The following ATAD3A variants were observed in gnomAD, a reference collection of about 807,000 sequenced individuals.
ATAD3A encodes the protein ATPase family AAA domain containing 3A, also known as ATPase family AAA domain-containing protein 3A.
A neutral mutation model predicts 73.8 loss-of-function variants in ATAD3A; 46 were observed. The ratio of observed to expected loss-of-function variants is 0.62; its 90% CI spans 0.49 to 0.80. ATAD3A has a LOEUF of 0.80. Among genes scored for constraint, ATAD3A ranks in the 30% least tolerant of loss-of-function variants. The pLI, the probability that ATAD3A is intolerant of heterozygous loss-of-function variation, is 0.00. For synonymous variants in ATAD3A, 319 were observed against 350.0 expected, an observed-to-expected ratio of 0.91 and a Z score of 0.99; for missense variants, 705 against 838.0, an observed-to-expected ratio of 0.84 and a Z score of 1.96.
In ATAD3A at chr1:1,526,038, T is replaced by C. The variant is rs546651112; in HGVS notation, c.1267-423T>C. ...TTCTTTTCTTTTTCTTTTTTTTTTT[T>C]TTAAGGCAGAATTTTACTCTGTTGC... On this transcript the variant is annotated intron_variant, in intron 12 of 15. Coordinates refer to ENST00000378756, the MANE Select transcript of ATAD3A (RefSeq NM_001170535.3). Among the ~76,000 whole-genome samples, 10 of 151,866 alleles carry C rather than the reference T, an allele frequency of 6.6e-5. No individual in the cohort carries two copies. In the South Asian group the frequency reaches 2.1e-3, roughly 32 times the overall value.
chr1:1,534,510 A>C lies in ATAD3A; in HGVS notation c.*438A>C. The C allele has an allele frequency of 1.5e-6, 1 of 681,380 alleles. No individual in the cohort carries two copies. Among genetic ancestry groups the C allele is most frequent in the South Asian group, 4.2e-5 (1 of 24,034 alleles). 42.2% of individuals were successfully genotyped at this position (681,380 alleles called of 1,614,324 possible). A position where few individuals can be genotyped will look rare whatever the true frequency, so the allele number is the denominator to read the frequency against. ...GGCCAGACCCAGGTGGGGCAGCCTG[A>C]ACCCTGCTTCCCCCTGTGGCCGGCA... On this transcript the variant is annotated 3_prime_UTR_variant, in exon 16 of 16. Coordinates refer to ENST00000378756, the MANE Select transcript of ATAD3A (RefSeq NM_001170535.3).
At chr1:1,513,830 A>G (rs1329434565) in intron 1 of ATAD3A, among the ~76,000 whole-genome samples, 11 of 151,750 alleles carry the variant, frequency 7.2e-5, no homozygotes, top group Admixed American at 3.9e-4. Context: ...GCCGGAGCCC[A>G]TTGCTTTGTC....
At chr1:1,519,935 G>A (rs547847511) in intron 5 of ATAD3A, among the ~76,000 whole-genome samples, 12 of 152,370 alleles carry the variant, frequency 7.9e-5, no homozygotes, top group Admixed American at 1.3e-4. Flanking sequence ...GCGTGGGCCT[G>A]TCTGTGGCGT....
chr1:1,523,643 G>A lies in ATAD3A; in HGVS notation c.963+76G>A. 3.1e-6 allele frequency: 5 copies of A among 1,605,536 alleles called. No individual in the cohort carries two copies. The highest frequency in any genetic ancestry group is 4.3e-6 in the Non-Finnish European group (5 of 1,176,050). On this transcript the variant is annotated intron_variant, in intron 9 of 15. Coordinates refer to ENST00000378756, the MANE Select transcript of ATAD3A (RefSeq NM_001170535.3). The surrounding 1 kb of genome is among the most constrained non-coding windows in gnomAD (Gnocchi z 5.1). Reference sequence around the variant, plus strand: ...CTGGGCCGGGCTGTGGCCCTTGCTGGCGCTCGTGGTGGCACCCAGGAGCTT... The same window carrying A: ...CTGGGCCGGGCTGTGGCCCTTGCTGACGCTCGTGGTGGCACCCAGGAGCTT...
At chr1:1,515,074 C>T (rs145470957) in intron 1 of ATAD3A, among the ~76,000 whole-genome samples, 145 of 152,206 alleles carry the variant, frequency 9.5e-4, no homozygotes, top group African/African-American at 3.3e-3. Flanking sequence ...AGGGTTTCGC[C>T]ATGTTGGCCC....
chr1:1,522,673 C>G (rs1242395804), intron 7 of ATAD3A, 71 bp from the exon 8 acceptor site: 1 of 1,593,644 alleles, frequency 6.3e-7, no homozygotes, highest in Non-Finnish European at 8.6e-7. Context: ...TGGGGGCAGC[C>G]CCGTGCGTCT....
Position 1,523,359 on chromosome 1 carries a change from C to T in ATAD3A, c.907-152C>T, listed in dbSNP as rs371444238. ...ATCCCAGCAATAGCCGCCTGGTCTC[C>T]GGGCGGGGCAGGGTTCCAGCTCCGG... On this transcript the variant is annotated intron_variant, in intron 8 of 15. Transcript: ENST00000378756. The surrounding 1 kb of genome is among the most constrained non-coding windows in gnomAD (Gnocchi z 5.1). 85 of 1,319,152 alleles carry T rather than the reference C, an allele frequency of 6.4e-5. No homozygotes were observed. Among genetic ancestry groups the T allele is most frequent in the East Asian group, 5.1e-4 (20 of 39,502 alleles). The allele number at this position is 1,319,152 out of a possible 1,614,324, so 81.7% of individuals were successfully genotyped here. A position where few individuals can be genotyped will look rare whatever the true frequency, so the allele number is the denominator to read the frequency against.
intron 4 of ATAD3A, among the ~76,000 whole-genome samples, chr1:1,518,689 A>ACACACACC (rs1553125142): frequency 1.4e-3 from 116 of 85,850 alleles, no homozygotes; most frequent in Middle Eastern, 0.01. Context: ...ACACACACAC[A>ACACACACC]CCCAAACGGG....
intron 15 of ATAD3A, among the ~76,000 whole-genome samples, chr1:1,530,505 C>T (rs1474044769): frequency 1.3e-5 from 2 of 151,854 alleles, no homozygotes; most frequent in East Asian, 1.9e-4. Flanking sequence ...GCACTCCAGC[C>T]TGGATTACAG....
chr1:1,512,224 T>A lies in ATAD3A; in HGVS notation c.-45T>A, dbSNP rs2100637187. 1.6e-6 allele frequency: 2 copies of A among 1,264,624 alleles called. No homozygotes were observed. The highest frequency in any genetic ancestry group is 3.5e-5 in the South Asian group (1 of 28,324). The allele number at this position is 1,264,624 out of a possible 1,614,324, so 78.3% of individuals were successfully genotyped here. ...GCTCCCAGCCGCGCGCGAGTCAGACTCGGGTGGGGGTCCCGGCGGCGGTAG... is the reference window on the plus strand; with the variant it reads ...GCTCCCAGCCGCGCGCGAGTCAGACACGGGTGGGGGTCCCGGCGGCGGTAG... On this transcript the variant is annotated 5_prime_UTR_variant, in exon 1 of 16. Coordinates refer to ENST00000378756, the MANE Select transcript of ATAD3A (RefSeq NM_001170535.3).
At chr1:1,531,765 A>G (rs1311865189) in intron 15 of ATAD3A, among the ~76,000 whole-genome samples, 13 of 151,852 alleles carry the variant, frequency 8.6e-5, no homozygotes, top group Admixed American at 2.6e-4. Flanking sequence ...GCGACAGAGC[A>G]AGACTCTGTC....
rs61189461 is a variant in ATAD3A, at chr1:1,520,031, T to G, written c.515-110T>G. On this transcript the variant is annotated intron_variant, in intron 5 of 15. Transcript: ENST00000378756. This position sits in a 1 kb window ranked among gnomAD's most constrained non-coding sequence, Gnocchi z 4.0. ...CGTGGCATGGGCCTGTCTGTGGCGTTGGTCTGTCCGTGGCGTGGGCCGGTC... is the reference window on the plus strand; with the variant it reads ...CGTGGCATGGGCCTGTCTGTGGCGTGGGTCTGTCCGTGGCGTGGGCCGGTC... 4.4e-3 allele frequency: 6,546 copies of G among 1,484,798 alleles called. 208 individuals are homozygous for G. The African/African-American group carries it at 0.079, about 18-fold the overall frequency. The allele number at this position is 1,484,798 out of a possible 1,614,324, so 92.0% of individuals were successfully genotyped here. A position where few individuals can be genotyped will look rare whatever the true frequency, so the allele number is the denominator to read the frequency against.
At chr1:1,531,669 T>G (rs573771653) in intron 15 of ATAD3A, among the ~76,000 whole-genome samples, 15 of 150,290 alleles carry the variant, frequency 1.0e-4, no homozygotes, top group African/African-American at 3.7e-4. Context: ...TCCCAGCTAC[T>G]TGGGAGGCTG....
At position 1,522,818 on chromosome 1, in the gene ATAD3A, C is replaced by T. The variant is rs749851799; in HGVS notation, c.825C>T (p.Ile275=). The change falls in exon 8 of 16, where the codon ATC becomes ATT. Residue 275 remains isoleucine, a synonymous_variant. Transcript: ENST00000378756. ...CCACGCTTGTCGCCGGCCGCTTCAT[C>T]GAGGCTCGGCTGGGGAAGCCGTCCC... ...KNATLVAGRF[I]EARLGKPSLV... 1.3e-5 allele frequency: 21 copies of T among 1,610,862 alleles called. No individual in the cohort carries two copies. In the East Asian group the frequency reaches 1.6e-4, roughly 12 times the overall value.
intron 12 of ATAD3A, among the ~76,000 whole-genome samples, chr1:1,525,626 G>A (rs949490032): frequency 2.0e-5 from 3 of 152,140 alleles, no homozygotes; most frequent in African/African-American, 7.2e-5. Flanking sequence ...GTGTTAGCCA[G>A]GATGGTCTCG....
intron 2 of ATAD3A, chr1:1,517,094 G>C (rs1166768092): frequency 6.5e-7 from 1 of 1,529,708 alleles, no homozygotes; most frequent in African/African-American, 1.4e-5. Context: ...CTCCCGGGGG[G>C]CCTTCGCGGG....
intron 15 of ATAD3A, among the ~76,000 whole-genome samples, chr1:1,533,265 C>T (rs1642096464): frequency 6.6e-6 from 1 of 152,202 alleles, no homozygotes; most frequent in African/African-American, 2.4e-5. Context: ...CACCCTGACC[C>T]TGACCCTGAC....
At chr1:1,527,670 C>A in intron 13 of ATAD3A, 25 bp from the exon 14 acceptor site, 2 of 1,595,980 alleles carry the variant, frequency 1.3e-6, no homozygotes, top group Non-Finnish European at 1.7e-6. Flanking sequence ...GCCCCAGCAT[C>A]CTCATCCTCA....
intron 11 of ATAD3A, among the ~76,000 whole-genome samples, chr1:1,525,015 C>A (rs1429839727): frequency 1.3e-5 from 2 of 152,186 alleles, no homozygotes; most frequent in Non-Finnish European, 2.9e-5. Flanking sequence ...TCGTCGCCCC[C>A]GTGTGTGGTT....
Sources: gnomAD v4.1 joint callset for allele counts (sites outside exome capture counted in the v4.1 genomes callset) on GRCh38, gnomAD v4.1.1 for gene constraint, Gnocchi (gnomAD v3.1) non-coding constraint, MANE v1.5 for transcripts, NCBI Gene and HGNC (gene_info 2026-07-23, HGNC 2026-07-21) for gene names.